Variants in PADI4 observed in about 807,000 individuals in gnomAD.
PADI4 encodes the protein protein-arginine deiminase type-4.
A neutral mutation model predicts 75.0 loss-of-function variants in PADI4; 62 were observed. The observed-to-expected ratio is 0.83, with a 90% confidence interval of 0.67 to 1.02. The LOEUF (loss-of-function observed/expected upper bound fraction) is 1.02, where lower values mean the gene tolerates loss of function less well. Ranked by LOEUF, PADI4 falls within the 50% of genes least tolerant of loss-of-function variation. The probability of loss-of-function intolerance (pLI) is 0.00; values close to 1 mark genes in which losing one functional copy is unlikely to be tolerated. For synonymous variants in PADI4, 361 were observed against 348.1 expected, an observed-to-expected ratio of 1.04 and a Z score of -0.41; for missense variants, 845 against 850.5, an observed-to-expected ratio of 0.99 and a Z score of 0.08.
At chr1:17,341,110 T>C (rs548062995) in intron 6 of PADI4, among the ~76,000 whole-genome samples, 21 of 150,254 alleles carry the variant, frequency 1.4e-4, no homozygotes, top group African/African-American at 4.9e-4. Context: ...TCTTTTTTTT[T>C]TTTTTTTGAG....
intron 1 of PADI4, among the ~76,000 whole-genome samples, chr1:17,319,802 T>C (rs1219628850): frequency 1.3e-5 from 2 of 152,120 alleles, no homozygotes; most frequent in East Asian, 3.9e-4. Flanking sequence ...TCGGCCTCAT[T>C]TGAACATGGT....
intron 11 of PADI4, 98 bp from the exon 12 acceptor site, chr1:17,355,884 TG>T: frequency 1.6e-6 from 2 of 1,214,236 alleles, no homozygotes; most frequent in Non-Finnish European, 1.2e-6. Context: ...CTTTCTCAGC[TG>T]AAGGAGAACC....
rs371395814 is a variant in PADI4 at position 17,347,998 on chromosome 1, G to A, written c.1105G>A (p.Asp369Asn). The A allele has an allele frequency of 3.7e-6, 6 of 1,609,794 alleles. No individual in the cohort carries two copies. Among genetic ancestry groups the A allele is most frequent in the South Asian group, 2.2e-5 (2 of 90,488 alleles). ...APHKTLPVVF[D>N]SPRNRGLKEF... ...ACACAAAACGCTGCCCGTGGTCTTC[G>A]ACTCTCCAAGGAACAGAGGCCTGAA... is the stretch of plus-strand genomic sequence containing the variant. Residue 369 changes from aspartate (D) to asparagine (N), a missense_variant, in exon 10 of 16, where the codon GAC (aspartate) becomes AAC (asparagine). Physicochemically the swap from Asp to Asn is conservative, Grantham distance 23 (BLOSUM62 1). Coordinates refer to ENST00000375448, the MANE Select transcript of PADI4 (RefSeq NM_012387.3).
chr1:17,346,070 G>A lies in PADI4; in HGVS notation c.978G>A (p.Leu326=), dbSNP rs1285680450. ...ACTTCCTGAAGTCAGTGACTACTCTGGCCATGAAAGCCAAGTGCAAGCTGA... is the reference window on the plus strand; with the variant it reads ...ACTTCCTGAAGTCAGTGACTACTCTAGCCATGAAAGCCAAGTGCAAGCTGA... ...NEDFLKSVTT[L]AMKAKCKLTI... is the part of the protein sequence containing the mutation. The change falls in exon 9 of 16, where the codon CTG becomes CTA. Residue 326 remains leucine (L), a synonymous_variant. Coordinates refer to ENST00000375448, the MANE Select transcript of PADI4 (RefSeq NM_012387.3). The surrounding 1 kb of genome is among the most constrained non-coding windows in gnomAD (Gnocchi z 4.3). 3.7e-6 allele frequency: 6 copies of A among 1,613,698 alleles called. No homozygotes were observed. Among genetic ancestry groups the A allele is most frequent in the Non-Finnish European group, 5.1e-6 (6 of 1,179,684 alleles).
Position 17,336,150 on chromosome 1 carries a change from G to A in PADI4, c.341-9G>A. On this transcript the variant is annotated splice_polypyrimidine_tract_variant and intron_variant, in intron 3 of 15. Coordinates refer to ENST00000375448, the MANE Select transcript of PADI4 (RefSeq NM_012387.3). ...CACCAACCTCTCCTCTTACTTGATG[G>A]GATTTCAGAAATCTCCTTGTGCGCA... is the stretch of plus-strand genomic sequence containing the variant. The A allele has an allele frequency of 6.2e-7, 1 of 1,607,862 alleles. No homozygotes were observed. The highest frequency in any genetic ancestry group is 8.5e-7 in the Non-Finnish European group (1 of 1,174,308).
Position 17,342,046 on chromosome 1 carries a change from G to C in PADI4, c.756G>C (p.Glu252Asp). Residue 252 changes from glutamate (E) to aspartate (D), a missense_variant, in exon 7 of 16, where the codon GAG (glutamate) becomes GAC (aspartate). By Grantham distance (45) the Glu-to-Asp change is conservative. Transcript: ENST00000375448. ...GGKHNMDFYV[E>D]ALAFPDTDFP... The stretch of plus-strand genomic sequence containing the variant: ...AGCACAACATGGACTTCTACGTGGA[G>C]GCCCTCGCTTTCCCGGACACCGACT... The C allele has an allele frequency of 6.2e-7, 1 of 1,614,056 alleles. No individual in the cohort carries two copies. The highest frequency in any genetic ancestry group is 8.5e-7 in the Non-Finnish European group (1 of 1,179,942).
At chr1:17,309,145 TAA>T (rs60497625) in intron 1 of PADI4, among the ~76,000 whole-genome samples, 125,245 of 138,774 alleles carry the variant, frequency 0.9, 57,838 homozygotes, top group East Asian at 1. Context: ...AGTTCTATGT[TAA>T]AAAAAAAAAA....
At chr1:17,329,603 G>T (rs1957878) in intron 1 of PADI4, among the ~76,000 whole-genome samples, 3 of 151,854 alleles carry the variant, frequency 2.0e-5, no homozygotes, top group Non-Finnish European at 2.9e-5. Flanking sequence ...GAGGAGGAAG[G>T]GGGGTTGGTC....
Position 17,346,288 on chromosome 1 carries a change from C to T in PADI4, c.1047+149C>T, listed in dbSNP as rs976727607. ...ATAGGAACCTGAGAGATCCTTGGGC[C>T]GGGAGGCTCAAGCAAGTGATTCATC... On this transcript the variant is annotated intron_variant, in intron 9 of 15. Coordinates refer to ENST00000375448, the MANE Select transcript of PADI4 (RefSeq NM_012387.3). This position sits in a 1 kb window ranked among gnomAD's most constrained non-coding sequence, Gnocchi z 4.3. 1.0e-5 allele frequency: 6 copies of T among 599,158 alleles called. No homozygotes were observed. Among genetic ancestry groups the T allele is most frequent in the African/African-American group, 1.9e-5 (1 of 53,282 alleles). The allele number at this position is 599,158 out of a possible 1,614,324, so 37.1% of individuals were successfully genotyped here.
At position 17,348,042 on chromosome 1, in the gene PADI4, C is replaced by A. The variant is rs2240335; in HGVS notation, c.1149C>A (p.Arg383=). The A allele has an allele frequency of 0.36, 577,035 of 1,587,424 alleles. 107,661 individuals are homozygous for A. Among genetic ancestry groups the A allele is most frequent in the East Asian group, 0.58 (26,096 of 44,636 alleles). The change falls in exon 10 of 16, where the codon CGC becomes CGA. Residue 383 remains arginine, a synonymous_variant. Transcript: ENST00000375448. ...GCCTGAAGGAGTTTCCCATCAAACG[C>A]GTGATGGTACCTGCATGGGGTGGGG... ...NRGLKEFPIK[R]VMGPDFGYVT...
At chr1:17,335,156 T>G (rs4920367) in intron 3 of PADI4, among the ~76,000 whole-genome samples, 1 of 92,712 alleles carries the variant, frequency 1.1e-5, no homozygotes, top group South Asian at 3.5e-4. Flanking sequence ...AATATATATA[T>G]ACACACACAT....
At chr1:17,353,614 T>C (rs1199526071) in intron 10 of PADI4, among the ~76,000 whole-genome samples, 2 of 152,138 alleles carry the variant, frequency 1.3e-5, no homozygotes, top group African/African-American at 4.8e-5. Flanking sequence ...GACTGAATAA[T>C]GGCCCCTCTA....
chr1:17,342,112 G>A lies in PADI4; in HGVS notation c.822G>A (p.Thr274=), dbSNP rs148703657. The A allele has an allele frequency of 1.4e-4, 227 of 1,613,796 alleles. No homozygotes were observed. Among genetic ancestry groups the A allele is most frequent in the Middle Eastern group, 1.7e-4 (1 of 5,882 alleles). Residue 274 remains threonine, a synonymous_variant, in exon 7 of 16, where the codon ACG becomes ACA. Transcript: ENST00000375448. ...CCCTCACCATCTCCCTGCTGGACAC[G>A]TCCAACCTGGTAGGCCGAGAAGGCA... ...LITLTISLLD[T]SNLELPEAVV... is the part of the protein sequence containing the mutation.
At chr1:17,347,694 G>GA (rs1454182138) in intron 9 of PADI4, among the ~76,000 whole-genome samples, 1 of 152,112 alleles carries the variant, frequency 6.6e-6, no homozygotes, top group Non-Finnish European at 1.5e-5. Context: ...CCCCAGCACT[G>GA]GCCCAGGCAC....
At position 17,331,096 on chromosome 1, in the gene PADI4, G is replaced by A; in HGVS notation, c.220G>A (p.Val74Ile). ...GSSTWPLDPG[V>I]EVTLTMKVAS... ...CTCCACATGGCCCCTGGACCCTGGG[G>A]TAGAGGTGACCCTGACGATGAAAGT... is the stretch of plus-strand genomic sequence containing the variant. Residue 74 changes from valine (V) to isoleucine (I), a missense_variant, in exon 2 of 16, where the codon GTA becomes ATA. By Grantham distance (29) the Val-to-Ile change is conservative. Transcript: ENST00000375448. The A allele has an allele frequency of 6.2e-7, 1 of 1,612,568 alleles. No individual in the cohort carries two copies. The highest frequency in any genetic ancestry group is 8.5e-7 in the Non-Finnish European group (1 of 1,179,328).
intron 1 of PADI4, among the ~76,000 whole-genome samples, chr1:17,330,252 C>T (rs984080966): frequency 1.3e-5 from 2 of 152,170 alleles, no homozygotes; most frequent in Admixed American, 1.3e-4. Flanking sequence ...CTCCTGACAA[C>T]CTTACAGTAC....
chr1:17,363,576 G>C lies in PADI4; in HGVS notation c.1813G>C (p.Val605Leu). ...HLGIPKPFGP[V>L]INGRCCLEEK... ...GGGCATCCCCAAGCCCTTCGGGCCCGTCATCAACGGCCGCTGCTGCCTGGA... is the reference window on the plus strand; with the variant it reads ...GGGCATCCCCAAGCCCTTCGGGCCCCTCATCAACGGCCGCTGCTGCCTGGA... The change falls in exon 16 of 16, where the codon GTC (valine) becomes CTC (leucine). Residue 605 changes from valine (V) to leucine (L), a missense_variant. By Grantham distance (32) the Val-to-Leu change is conservative. Coordinates refer to ENST00000375448, the MANE Select transcript of PADI4 (RefSeq NM_012387.3). 1 of 1,613,998 alleles carries C rather than the reference G, an allele frequency of 6.2e-7. No individual in the cohort carries two copies. The highest frequency in any genetic ancestry group is 8.5e-7 in the Non-Finnish European group (1 of 1,179,920).
rs1435057442 is a variant in PADI4 at position 17,342,189 on chromosome 1, G to C, written c.831+68G>C. 26 of 1,522,690 alleles carry C rather than the reference G, an allele frequency of 1.7e-5. No individual in the cohort carries two copies. The East Asian group carries it at 5.4e-4, about 32-fold the overall frequency. 94.3% of individuals were successfully genotyped at this position (1,522,690 alleles called of 1,614,324 possible). The stretch of plus-strand genomic sequence containing the variant: ...AGGCAGTGGCCTGGCTAGGGAAAGG[G>C]GTACAGAGCCCAGCTGGGCAGGGGG... On this transcript the variant is annotated intron_variant, in intron 7 of 15. Transcript: ENST00000375448.
At chr1:17,318,310 C>T (rs2073975846) in intron 1 of PADI4, among the ~76,000 whole-genome samples, 1 of 152,210 alleles carries the variant, frequency 6.6e-6, no homozygotes, top group Non-Finnish European at 1.5e-5. Context: ...CCAGAAACGT[C>T]ACTTTGCCTC....
Sources: gnomAD v4.1 joint callset for allele counts (sites outside exome capture counted in the v4.1 genomes callset) on GRCh38, gnomAD v4.1.1 for gene constraint, Gnocchi (gnomAD v3.1) non-coding constraint, MANE v1.5 for transcripts, NCBI Gene and HGNC (gene_info 2026-07-23, HGNC 2026-07-21) for gene names.